Variants in MACROD2 observed in about 807,000 individuals in gnomAD.
The protein encoded by MACROD2 is mono-ADP ribosylhydrolase 2, also known as ADP-ribose glycohydrolase MACROD2.
A neutral mutation model predicts 70.4 loss-of-function variants in MACROD2; 36 were observed. That is an observed-to-expected ratio of 0.51 (90% CI 0.39 to 0.68). The LOEUF (loss-of-function observed/expected upper bound fraction) is 0.68, where lower values mean the gene tolerates loss of function less well. Ranked by LOEUF, MACROD2 falls within the 30% of genes least tolerant of loss-of-function variation. The probability of loss-of-function intolerance (pLI) is 0.00; values close to 1 mark genes in which losing one functional copy is unlikely to be tolerated. For synonymous variants in MACROD2, 172 were observed against 178.8 expected, an observed-to-expected ratio of 0.96 and a Z score of 0.30; for missense variants, 496 against 538.4, an observed-to-expected ratio of 0.92 and a Z score of 0.78.
intron 4 of MACROD2, among the ~76,000 whole-genome samples, chr20:14,620,873 T>G (rs1983788481): frequency 6.6e-6 from 1 of 152,122 alleles, no homozygotes; most frequent in Non-Finnish European, 1.5e-5. Context: ...AAAGGGAAGA[T>G]TCTTAATTTC....
At chr20:15,653,852 A>G (rs746843524) in intron 8 of MACROD2, among the ~76,000 whole-genome samples, 40 of 152,100 alleles carry the variant, frequency 2.6e-4, no homozygotes, top group Admixed American at 1.3e-3. Context: ...AACCCTCAGC[A>G]TTCTTTTGCT....
chr20:14,657,488 T>C (rs1025471434), intron 4 of MACROD2, among the ~76,000 whole-genome samples: 4 of 152,228 alleles, frequency 2.6e-5, no homozygotes, highest in African/African-American at 9.6e-5. Context: ...TGTTACACAC[T>C]GTGAGAAAAG....
At chr20:15,937,859 C>G (rs1287621303) in intron 12 of MACROD2, among the ~76,000 whole-genome samples, 2 of 151,700 alleles carry the variant, frequency 1.3e-5, no homozygotes, top group Non-Finnish European at 2.9e-5. Flanking sequence ...ATTTAAAACA[C>G]CAGAATTAAT....
At chr20:14,157,622 G>A (rs2055121831) in intron 3 of MACROD2, among the ~76,000 whole-genome samples, 1 of 151,918 alleles carries the variant, frequency 6.6e-6, no homozygotes, top group Non-Finnish European at 1.5e-5. Flanking sequence ...TAAACTTCAT[G>A]AGTAAAGTTC....
intron 5 of MACROD2, among the ~76,000 whole-genome samples, chr20:15,084,129 G>C (rs368590962): frequency 6.8e-6 from 1 of 146,284 alleles, no homozygotes; most frequent in Non-Finnish European, 1.5e-5. Flanking sequence ...GCAGTGGCGC[G>C]ATCTGGACTC....
At chr20:14,708,328 C>T (rs1251004621) in intron 5 of MACROD2, among the ~76,000 whole-genome samples, 1 of 152,132 alleles carries the variant, frequency 6.6e-6, no homozygotes, top group African/African-American at 2.4e-5. Flanking sequence ...CTTATAAACA[C>T]TCAACTCTGC....
At chr20:15,315,368 G>A (rs1287414962) in intron 6 of MACROD2, among the ~76,000 whole-genome samples, 1 of 152,042 alleles carries the variant, frequency 6.6e-6, no homozygotes, top group Non-Finnish European at 1.5e-5. Context: ...GAGAAGGATC[G>A]ACACAAAGAG....
intron 6 of MACROD2, among the ~76,000 whole-genome samples, chr20:15,234,735 C>T (rs1433109776): frequency 1.3e-5 from 2 of 151,918 alleles, no homozygotes; most frequent in Non-Finnish European, 2.9e-5. Context: ...TGGTGAAAAT[C>T]TTGGTGAAAT....
chr20:15,397,484 G>A (rs1355499160), intron 6 of MACROD2, among the ~76,000 whole-genome samples: 1 of 148,466 alleles, frequency 6.7e-6, no homozygotes, highest in Non-Finnish European at 1.5e-5. Context: ...TTTGTTTTGA[G>A]AGACAGGTTT....
intron 6 of MACROD2, among the ~76,000 whole-genome samples, chr20:15,289,396 G>C (rs1408785157): frequency 6.6e-6 from 1 of 152,190 alleles, no homozygotes; most frequent in African/African-American, 2.4e-5. Flanking sequence ...ATGAGATAAA[G>C]TATTCAAAGT....
At chr20:15,105,870 A>C (rs1175898989) in intron 5 of MACROD2, among the ~76,000 whole-genome samples, 1 of 152,176 alleles carries the variant, frequency 6.6e-6, no homozygotes, top group Non-Finnish European at 1.5e-5. Flanking sequence ...GTCTAAGTTC[A>C]TGCGACGACA....
chr20:15,220,545 A>G (rs1466808797), intron 5 of MACROD2, among the ~76,000 whole-genome samples: 2 of 152,264 alleles, frequency 1.3e-5, no homozygotes, highest in African/African-American at 2.4e-5. Flanking sequence ...AGGATGCCAT[A>G]TGATTGGAGA....
chr20:15,303,394 ACCCTTTTCTCCAAGACCTATGGG>A (rs1312342715), intron 6 of MACROD2, among the ~76,000 whole-genome samples: 1 of 152,112 alleles, frequency 6.6e-6, no homozygotes, highest in Non-Finnish European at 1.5e-5. Flanking sequence ...TCCTAAAGGC[ACCCTTTTCTCCAAGACCTATGGG>A]CTTGAGATCA....
chr20:14,838,522 T>C (rs909456627), intron 5 of MACROD2, among the ~76,000 whole-genome samples: 1 of 152,124 alleles, frequency 6.6e-6, no homozygotes, highest in African/African-American at 2.4e-5. Flanking sequence ...TGAAAATAAC[T>C]TCATAAACAT....
chr20:15,305,082 C>T (rs1366077471), intron 6 of MACROD2, among the ~76,000 whole-genome samples: 2 of 152,196 alleles, frequency 1.3e-5, no homozygotes, highest in Non-Finnish European at 2.9e-5. Flanking sequence ...ATATTACCTA[C>T]GTGACACCTA....
chr20:14,175,011 T>A (rs2081252183), intron 3 of MACROD2, among the ~76,000 whole-genome samples: 1 of 152,186 alleles, frequency 6.6e-6, no homozygotes, highest in Non-Finnish European at 1.5e-5. Flanking sequence ...ACTTTCACAC[T>A]CTGGGCACTA....
chr20:14,918,615 T>TG lies in MACROD2; in HGVS notation c.418+233656_418+233657insG, dbSNP rs1226242957. 3.4e-5 allele frequency among the ~76,000 whole-genome samples: 5 copies of TG among 146,882 alleles called. No individual in the cohort carries two copies. In the East Asian group the frequency reaches 9.9e-4, roughly 29 times the overall value. On this transcript the variant is annotated intron_variant, in intron 5 of 17. Coordinates refer to ENST00000684519, the MANE Select transcript of MACROD2 (RefSeq NM_001351661.2). ...CCCTTTTTGTGACACTGTGTTTTTT[T>TG]TGTTTTTTTTTTTTTTTCTGGAGTT...
intron 8 of MACROD2, among the ~76,000 whole-genome samples, chr20:15,506,738 C>T (rs1184847204): frequency 6.6e-6 from 1 of 152,200 alleles, no homozygotes; most frequent in Non-Finnish European, 1.5e-5. Context: ...CTCCAAATTC[C>T]TGTGGACTAT....
At chr20:15,073,728 T>G (rs1488313884) in intron 5 of MACROD2, among the ~76,000 whole-genome samples, 2 of 152,146 alleles carry the variant, frequency 1.3e-5, no homozygotes, top group Non-Finnish European at 2.9e-5. Context: ...TTGGCCTCAG[T>G]TTTTCACATG....
Sources: allele counts gnomAD v4.1 joint callset (sites outside exome capture counted in the v4.1 genomes callset), GRCh38; gene constraint gnomAD v4.1.1; transcripts MANE v1.5; gene names NCBI Gene and HGNC (gene_info 2026-07-23, HGNC 2026-07-21).